DNAL1: variants seen among roughly 807,000 people sequenced by gnomAD.
DNAL1 encodes chromosome 14 open reading frame 168.
DNAL1 carries 17 observed loss-of-function variants against 29.4 expected under a neutral mutation model. The ratio of observed to expected loss-of-function variants is 0.58; its 90% CI spans 0.40 to 0.87. The LOEUF (loss-of-function observed/expected upper bound fraction) is 0.87. Ranked by LOEUF, DNAL1 falls within the 40% of genes least tolerant of loss-of-function variation. The pLI is 0.00. For missense variants in DNAL1, 188 were observed against 214.1 expected (o/e 0.88, Z 0.76); for synonymous variants, 78 against 76.3 (o/e 1.02, Z -0.12).
chr14:73,682,595 C>A (rs62004930), intron 5 of DNAL1, among the ~76,000 whole-genome samples: 34,096 of 151,382 alleles, frequency 0.23, 4,998 homozygotes, highest in Non-Finnish European at 0.33. Flanking sequence ...TATTTTCTTT[C>A]TTTATTTCAT....
At chr14:73,671,452 TAA>T in intron 4 of DNAL1, 88 bp from the exon 5 acceptor site, 1 of 1,243,526 alleles carries the variant, frequency 8.0e-7, no homozygotes, top group South Asian at 2.3e-5. Flanking sequence ...ATCTATTATA[TAA>T]AACTTATTAA....
intron 5 of DNAL1, among the ~76,000 whole-genome samples, chr14:73,672,264 A>G (rs1440913969): frequency 1.3e-5 from 2 of 152,190 alleles, no homozygotes; most frequent in East Asian, 1.9e-4. Context: ...CTGTGATTCT[A>G]TTTACCTGCA....
intron 5 of DNAL1, among the ~76,000 whole-genome samples, chr14:73,677,710 C>T (rs1891771393): frequency 6.6e-6 from 1 of 150,544 alleles, no homozygotes; most frequent in Admixed American, 6.6e-5. Context: ...GCGCCCGCCA[C>T]CACGCCCGGC....
intron 1 of DNAL1, among the ~76,000 whole-genome samples, chr14:73,652,012 T>G (rs1274298125): frequency 6.6e-6 from 1 of 152,076 alleles, no homozygotes; most frequent in African/African-American, 2.4e-5. Flanking sequence ...TTCTCTCTCT[T>G]TTTCTGTATA....
intron 1 of DNAL1, among the ~76,000 whole-genome samples, chr14:73,648,701 C>G (rs1488648701): frequency 6.6e-6 from 1 of 151,332 alleles, no homozygotes; most frequent in Non-Finnish European, 1.5e-5. Context: ...AAGCGTGAGC[C>G]ACCATGCCCA....
intron 1 of DNAL1, among the ~76,000 whole-genome samples, chr14:73,649,384 G>A (rs745356220): frequency 2.0e-5 from 3 of 150,774 alleles, no homozygotes; most frequent in Non-Finnish European, 3.0e-5. Flanking sequence ...CCGGGTTCAC[G>A]CCATTCTCCT....
intron 5 of DNAL1, among the ~76,000 whole-genome samples, chr14:73,686,470 G>A (rs969009017): frequency 5.9e-5 from 9 of 152,106 alleles, no homozygotes; most frequent in Non-Finnish European, 1.0e-4. Context: ...TTGGGAGGCC[G>A]AGGCGGGCAG....
chr14:73,663,887 C>G (rs970203379), intron 4 of DNAL1, among the ~76,000 whole-genome samples: 1 of 152,190 alleles, frequency 6.6e-6, no homozygotes. Context: ...AGTAACTTCT[C>G]TTATTTGAAA....
chr14:73,681,633 AATAT>A lies in DNAL1; in HGVS notation c.265-5607_265-5604del, dbSNP rs71112793. ...AAAAAAAAAAAAAAAAAAAAAAAAA[AATAT>A]ATATATATATATATATATTAGTTGG... On this transcript the variant is annotated intron_variant, in intron 5 of 7. Coordinates refer to ENST00000553645, the MANE Select transcript of DNAL1 (RefSeq NM_031427.4). 8.2e-4 allele frequency among the ~76,000 whole-genome samples: 29 copies of A among 35,426 alleles called. 1 individual carries two copies. The highest frequency in any genetic ancestry group is 2.8e-3 in the African/African-American group (13 of 4,616). 23.2% of individuals were successfully genotyped at this position (35,426 alleles called of 152,430 possible).
intron 4 of DNAL1, among the ~76,000 whole-genome samples, chr14:73,664,628 G>A (rs139515542): frequency 0.012 from 1,769 of 152,208 alleles, 30 homozygotes; most frequent in African/African-American, 0.04. Flanking sequence ...CAGCACTTTG[G>A]GAGGCTGAGG....
In DNAL1 at chr14:73,689,961, G is replaced by T. The variant is rs929345876; in HGVS notation, c.532+446G>T. ...TGAGGCAGGAGAATCACTTGAACTC[G>T]GCAGGCGGAGGTTGCAGTGAGCTGA... On this transcript the variant is annotated intron_variant, in intron 7 of 7. Transcript: ENST00000553645. Among the ~76,000 whole-genome samples the T allele has an allele frequency of 6.0e-4, 91 of 151,402 alleles. 1 individual carries two copies. The highest frequency in any genetic ancestry group is 2.2e-3 in the African/African-American group (90 of 41,224).
intron 1 of DNAL1, among the ~76,000 whole-genome samples, chr14:73,650,092 C>G (rs1028934759): frequency 7.2e-5 from 11 of 151,996 alleles, no homozygotes; most frequent in African/African-American, 1.7e-4. Context: ...CAAATAGTCC[C>G]CCTGCCTCAG....
intron 6 of DNAL1, among the ~76,000 whole-genome samples, chr14:73,688,410 G>A (rs1358634642): frequency 6.6e-6 from 1 of 152,114 alleles, no homozygotes; most frequent in Non-Finnish European, 1.5e-5. Context: ...AGGAGTTTGA[G>A]ACTAGCCTGG....
At chr14:73,671,518 A>G in intron 4 of DNAL1, 24 bp from the exon 5 acceptor site, 1 of 1,441,666 alleles carries the variant, frequency 6.9e-7, no homozygotes, top group South Asian at 1.6e-5. Context: ...TAGTAAACAA[A>G]AAAATGTTTT....
At chr14:73,647,257 C>G (rs181721643) in intron 1 of DNAL1, among the ~76,000 whole-genome samples, 1 of 149,850 alleles carries the variant, frequency 6.7e-6, no homozygotes, top group Admixed American at 6.7e-5. Context: ...CCTAGCTACT[C>G]GGGAGGCTGA....
At chr14:73,673,977 A>G (rs1405844548) in intron 5 of DNAL1, among the ~76,000 whole-genome samples, 1 of 151,108 alleles carries the variant, frequency 6.6e-6, no homozygotes, top group Non-Finnish European at 1.5e-5. Flanking sequence ...ATTCATCTAG[A>G]CACATCTGCC....
intron 1 of DNAL1, among the ~76,000 whole-genome samples, chr14:73,647,962 A>G (rs894980350): frequency 1.1e-4 from 16 of 152,012 alleles, no homozygotes; most frequent in Non-Finnish European, 1.8e-4. Context: ...CCGGCAGTGC[A>G]GGAGAGTTCC....
rs147522780 is a variant in DNAL1 at position 73,670,130 on chromosome 14, G to T, written c.209-1412G>T. ...TTATATTTCCCCATTTTATATATGG[G>T]AAAATAGATTCAAAGAGGTTTGTTT... On this transcript the variant is annotated intron_variant, in intron 4 of 7. Transcript: ENST00000553645. Among the ~76,000 whole-genome samples, 1,225 of 152,188 alleles carry T rather than the reference G, an allele frequency of 8.0e-3. 23 individuals are homozygous for T. Among genetic ancestry groups the T allele is most frequent in the African/African-American group, 0.028 (1,161 of 41,494 alleles).
At chr14:73,672,481 G>T (rs558964894) in intron 5 of DNAL1, among the ~76,000 whole-genome samples, 2 of 151,278 alleles carry the variant, frequency 1.3e-5, no homozygotes, top group Non-Finnish European at 2.9e-5. Context: ...GGTGGCGGGC[G>T]CCTGTAGTCC....
Sources: allele counts gnomAD v4.1 joint callset (sites outside exome capture counted in the v4.1 genomes callset), GRCh38; gene constraint gnomAD v4.1.1; transcripts MANE v1.5; gene names NCBI Gene and HGNC (gene_info 2026-07-23, HGNC 2026-07-21).